NSD3: variants seen among roughly 807,000 people sequenced by gnomAD.
NSD3 encodes histone-lysine N-methyltransferase NSD3.
In NSD3, 24 loss-of-function variants were observed where a neutral mutation model predicts 160.8. The ratio of observed to expected loss-of-function variants is 0.15; its 90% CI spans 0.11 to 0.21. The LOEUF is 0.21. Ranked by LOEUF, NSD3 falls within the 10% of genes least tolerant of loss-of-function variation. The probability of loss-of-function intolerance (pLI) is 1.00; values close to 1 mark genes in which losing one functional copy is unlikely to be tolerated. For missense variants in NSD3, 1,157 were observed against 1,735.9 expected, an observed-to-expected ratio of 0.67 and a Z score of 5.93; for synonymous variants, 520 against 600.0, an observed-to-expected ratio of 0.87 and a Z score of 1.95.
chr8:38,366,492 G>GC (rs1486212206), intron 1 of NSD3, among the ~76,000 whole-genome samples: 2 of 145,058 alleles, frequency 1.4e-5, no homozygotes, highest in African/African-American at 2.6e-5. Flanking sequence ...TCAGCTCACT[G>GC]CAACCTTTGC....
intron 12 of NSD3, among the ~76,000 whole-genome samples, chr8:38,306,442 T>C (rs1809395362): frequency 6.6e-6 from 1 of 152,048 alleles, no homozygotes; most frequent in Admixed American, 6.6e-5. Context: ...TAGGCCCAGA[T>C]GGCTCCACTG....
Position 38,317,863 on chromosome 8 carries a change from A to G in NSD3, c.1855+1032T>C. 2.6e-6 allele frequency: 4 copies of G among 1,567,440 alleles called. No individual in the cohort carries two copies. Among genetic ancestry groups the G allele is most frequent in the Non-Finnish European group, 3.5e-6 (4 of 1,156,526 alleles). On this transcript the variant is annotated intron_variant, in intron 9 of 23. Transcript: ENST00000317025. This position sits in a 1 kb window ranked among gnomAD's most constrained non-coding sequence, Gnocchi z 5.3. ...ATGATGATTGGCGAAATCAAAATCG[A>G]AAACAAAGAAACTGTTTATCAAGCC...
intron 1 of NSD3, among the ~76,000 whole-genome samples, chr8:38,374,031 C>T (rs2150396704): frequency 6.6e-6 from 1 of 151,586 alleles, no homozygotes; most frequent in South Asian, 2.1e-4. Context: ...GGGAGGATCA[C>T]CTGAGCCTGG....
intron 2 of NSD3, among the ~76,000 whole-genome samples, chr8:38,340,123 A>G (rs574208003): frequency 6.6e-6 from 1 of 152,250 alleles, no homozygotes; most frequent in African/African-American, 2.4e-5. Context: ...TACTTCTACA[A>G]TTTAAAAGAT....
chr8:38,279,825 G>T, intron 20 of NSD3, 144 bp from the exon 21 acceptor site: 1 of 809,048 alleles, frequency 1.2e-6, no homozygotes, highest in Non-Finnish European at 1.9e-6. Context: ...AGGCTGCCTG[G>T]GTAATTTACT....
rs189488549 is a variant in NSD3, at chr8:38,311,275, C to A, written c.2242+3372G>T. Among the ~76,000 whole-genome samples the A allele has an allele frequency of 6.6e-5, 10 of 152,162 alleles. No individual in the cohort carries two copies. The East Asian group carries it at 1.9e-3, about 29-fold the overall frequency. On this transcript the variant is annotated intron_variant, in intron 12 of 23. Transcript: ENST00000317025. ...TGTATATTGACCATCTGCCTATCTT[C>A]TTTGGAGAACTATCTGCTCAAGATC...
chr8:38,357,519 T>C (rs1810854402), intron 1 of NSD3, among the ~76,000 whole-genome samples: 1 of 152,178 alleles, frequency 6.6e-6, no homozygotes, highest in Non-Finnish European at 1.5e-5. Flanking sequence ...ACCCTTTTCC[T>C]TTTTTATTTT....
At chr8:38,331,380 T>C (rs1389898384) in intron 5 of NSD3, 51 bp downstream of exon 5, 17 of 1,453,710 alleles carry the variant, frequency 1.2e-5, no homozygotes, top group Non-Finnish European at 1.4e-5. Context: ...TTCTAAATTA[T>C]TAAGTTCTTT....
Position 38,319,041 on chromosome 8 carries a change from G to GA in NSD3, c.1810-102dup. The GA allele has an allele frequency of 9.7e-7, 1 of 1,029,108 alleles. No homozygotes were observed. The allele number at this position is 1,029,108 out of a possible 1,614,324, so 63.7% of individuals were successfully genotyped here. A position where few individuals can be genotyped will look rare whatever the true frequency, so the allele number is the denominator to read the frequency against. On this transcript the variant is annotated intron_variant, in intron 8 of 23. Coordinates refer to ENST00000317025, the MANE Select transcript of NSD3 (RefSeq NM_023034.2). The surrounding 1 kb of genome is among the most constrained non-coding windows in gnomAD (Gnocchi z 4.1). ...TTCATCAATCTAAGCAATGATGAGTGATTAATGTATCTGAAATCTGAACTC... is the reference window on the plus strand; with the variant it reads ...TTCATCAATCTAAGCAATGATGAGTGAATTAATGTATCTGAAATCTGAACTC...
At chr8:38,305,147 A>G in intron 13 of NSD3, 101 bp downstream of exon 13, 1 of 1,194,014 alleles carries the variant, frequency 8.4e-7, no homozygotes, top group Non-Finnish European at 1.2e-6. Flanking sequence ...AGAGATACAC[A>G]GAAGAAGAAT....
intron 19 of NSD3, 146 bp from the exon 20 acceptor site, chr8:38,281,729 C>A: frequency 2.1e-6 from 1 of 478,766 alleles, no homozygotes; most frequent in East Asian, 3.3e-5. Flanking sequence ...TATTCATAGG[C>A]ATTCAGGTGG....
intron 1 of NSD3, among the ~76,000 whole-genome samples, chr8:38,370,649 T>C (rs1293182857): frequency 6.6e-6 from 1 of 152,122 alleles, no homozygotes; most frequent in Non-Finnish European, 1.5e-5. Flanking sequence ...ATGCTGTTTT[T>C]AAAACAAAAC....
At chr8:38,301,776 A>C (rs373196659) in intron 14 of NSD3, among the ~76,000 whole-genome samples, 7 of 152,348 alleles carry the variant, frequency 4.6e-5, no homozygotes, top group African/African-American at 1.7e-4. Flanking sequence ...CTATGGAGAG[A>C]TAACTTCTTA....
chr8:38,378,825 CAA>C (rs201408423), intron 1 of NSD3, among the ~76,000 whole-genome samples: 26,591 of 86,756 alleles, frequency 0.31, 2,344 homozygotes, highest in East Asian at 0.41. Context: ...CTCCATCTCT[CAA>C]AAAAAAAAAA....
chr8:38,339,511 G>C (rs1289474484), intron 2 of NSD3, among the ~76,000 whole-genome samples: 1 of 152,148 alleles, frequency 6.6e-6, no homozygotes, highest in Non-Finnish European at 1.5e-5. Context: ...TGGATCACGA[G>C]ATCAAGAAAT....
intron 22 of NSD3, 56 bp downstream of exon 22, chr8:38,278,250 T>C (rs1453309379): frequency 1.0e-5 from 16 of 1,526,132 alleles, no homozygotes; most frequent in Middle Eastern, 1.8e-4. Context: ...ACAGACTTCT[T>C]AACAGCCCTA....
intron 21 of NSD3, 81 bp downstream of exon 21, chr8:38,279,458 GC>G: frequency 6.8e-7 from 1 of 1,465,804 alleles, no homozygotes; most frequent in Admixed American, 2.1e-5. Flanking sequence ...TGGGCATCAA[GC>G]CTTGAAGAAC....
intron 15 of NSD3, among the ~76,000 whole-genome samples, chr8:38,298,128 A>C (rs1765030848): frequency 3.3e-5 from 5 of 152,220 alleles, no homozygotes. Flanking sequence ...TTAAGCAAAC[A>C]GAGGGCTCAA....
intron 12 of NSD3, 59 bp from the exon 13 acceptor site, chr8:38,305,504 A>G: frequency 1.9e-6 from 3 of 1,558,762 alleles, no homozygotes; most frequent in Non-Finnish European, 2.6e-6. Flanking sequence ...ATTCAAGTAG[A>G]AGCAGCTACA....
Sources: gnomAD v4.1 joint callset for allele counts (sites outside exome capture counted in the v4.1 genomes callset) on GRCh38, gnomAD v4.1.1 for gene constraint, Gnocchi (gnomAD v3.1) non-coding constraint, MANE v1.5 for transcripts, NCBI Gene and HGNC (gene_info 2026-07-23, HGNC 2026-07-21) for gene names.